SNX6: variants seen among roughly 807,000 people sequenced by gnomAD.
The protein encoded by SNX6 is sorting nexin 6.
A neutral mutation model predicts 63.0 loss-of-function variants in SNX6; 34 were observed. The ratio of observed to expected loss-of-function variants is 0.54; its 90% confidence interval spans 0.41 to 0.72. The LOEUF (loss-of-function observed/expected upper bound fraction) is 0.72. Among genes scored for constraint, SNX6 ranks in the 30% least tolerant of loss-of-function variants. SNX6 has a pLI of 0.00. For synonymous variants in SNX6, 170 were observed against 164.2 expected (o/e 1.04, Z -0.27); for missense variants, 398 against 471.4 (o/e 0.84, Z 1.44).
At position 34,586,296 on chromosome 14, in the gene SNX6, T is replaced by A; in HGVS notation, c.728A>T (p.Asp243Val). The A allele has an allele frequency of 6.2e-7, 1 of 1,606,260 alleles. No homozygotes were observed. Residue 243 changes from aspartate (D) to valine (V), a missense_variant, in exon 9 of 14, where the codon GAT (aspartate) becomes GTT (valine). Coordinates refer to ENST00000362031, the MANE Select transcript of SNX6 (RefSeq NM_152233.4). ...TGAAGAACCAATTCTATTGTAATCATCTGCAGCACCTATGGAGAAAGTTTT... is the reference window on the plus strand; with the variant it reads ...TGAAGAACCAATTCTATTGTAATCAACTGCAGCACCTATGGAGAAAGTTTT... ...RMTRSHKSAA[D>V]DYNRIGSSLY...
intron 11 of SNX6, among the ~76,000 whole-genome samples, chr14:34,575,100 C>T (rs1380631113): frequency 6.6e-6 from 1 of 151,224 alleles, no homozygotes; most frequent in African/African-American, 2.4e-5. Flanking sequence ...CCATGTTGGC[C>T]AGGGTGGTCT....
At chr14:34,572,666 T>C (rs1347212484) in intron 11 of SNX6, among the ~76,000 whole-genome samples, 1 of 151,680 alleles carries the variant, frequency 6.6e-6, no homozygotes, top group African/African-American at 2.4e-5. Flanking sequence ...TTTTCAGTTA[T>C]TTGTGTTTTT....
rs916814693 is a variant in SNX6, at chr14:34,630,117, G to C, written c.-1C>G. 8 of 1,378,884 alleles carry C rather than the reference G, an allele frequency of 5.8e-6. No individual in the cohort carries two copies. The South Asian group carries it at 8.3e-5, about 14-fold the overall frequency. The allele number at this position is 1,378,884 out of a possible 1,614,324, so 85.4% of individuals were successfully genotyped here. A position where few individuals can be genotyped will look rare whatever the true frequency, so the allele number is the denominator to read the frequency against. On this transcript the variant is annotated 5_prime_UTR_variant, in exon 1 of 14. Transcript: ENST00000362031. ...CGCCGCGGAGAACACCCACCATCAT[G>C]GCTGCTCCGAGGCGAGGGCCGGCGC...
At position 34,563,231 on chromosome 14, in the gene SNX6, T is replaced by C; in HGVS notation, c.1168-56A>G. ...TTTTATTTCAAACAATTCAGAAGAC[T>C]CCTACTGAAAATACAGTTAGAAACG... is the stretch of plus-strand genomic sequence containing the variant. On this transcript the variant is annotated intron_variant, in intron 13 of 13. Coordinates refer to ENST00000362031, the MANE Select transcript of SNX6 (RefSeq NM_152233.4). 2.0e-6 allele frequency: 3 copies of C among 1,476,790 alleles called. No homozygotes were observed. The South Asian group carries it at 3.5e-5, about 17-fold the overall frequency. The allele number at this position is 1,476,790 out of a possible 1,614,324, so 91.5% of individuals were successfully genotyped here. A position where few individuals can be genotyped will look rare whatever the true frequency, so the allele number is the denominator to read the frequency against.
chr14:34,585,955 A>G (rs1032053240), intron 9 of SNX6, among the ~76,000 whole-genome samples: 1 of 151,412 alleles, frequency 6.6e-6, no homozygotes, highest in Non-Finnish European at 1.5e-5. Context: ...CCCAGGCTGG[A>G]GTGCAAAGGT....
chr14:34,571,056 T>C (rs1881430568), intron 11 of SNX6, among the ~76,000 whole-genome samples: 1 of 151,834 alleles, frequency 6.6e-6, no homozygotes, highest in African/African-American at 2.4e-5. Flanking sequence ...GTTCTTCATA[T>C]ATTCTGAGAA....
intron 2 of SNX6, among the ~76,000 whole-genome samples, chr14:34,620,231 A>G (rs1189906292): frequency 1.3e-5 from 2 of 152,092 alleles, no homozygotes; most frequent in Admixed American, 6.5e-5. Context: ...CCCACCCTCA[A>G]CAAGTGAACT....
intron 9 of SNX6, among the ~76,000 whole-genome samples, chr14:34,584,479 G>T (rs988218091): frequency 2.6e-5 from 4 of 151,088 alleles, no homozygotes; most frequent in African/African-American, 9.7e-5. Flanking sequence ...TGTGTTTTTA[G>T]AGAACACGCC....
At chr14:34,585,567 T>C (rs931419108) in intron 9 of SNX6, among the ~76,000 whole-genome samples, 1 of 152,120 alleles carries the variant, frequency 6.6e-6, no homozygotes, top group Non-Finnish European at 1.5e-5. Flanking sequence ...GCATCCAGGC[T>C]GCCAATAGAA....
At chr14:34,601,464 T>C (rs1452910857) in intron 6 of SNX6, among the ~76,000 whole-genome samples, 1 of 151,828 alleles carries the variant, frequency 6.6e-6, no homozygotes, top group African/African-American at 2.4e-5. Context: ...GACCTCGTGA[T>C]CCGCCCACCT....
At chr14:34,611,795 T>C (rs1883240459) in intron 2 of SNX6, among the ~76,000 whole-genome samples, 1 of 151,896 alleles carries the variant, frequency 6.6e-6, no homozygotes, top group South Asian at 2.1e-4. Context: ...TTTTCTTTTT[T>C]GGAGACTGAG....
intron 2 of SNX6, among the ~76,000 whole-genome samples, chr14:34,611,748 C>CAA (rs1171892665): frequency 0.054 from 5,769 of 106,958 alleles, 205 homozygotes; most frequent in Admixed American, 0.076. Flanking sequence ...GACACTGTCT[C>CAA]AAAAAAAAAA....
intron 2 of SNX6, among the ~76,000 whole-genome samples, chr14:34,623,267 T>A (rs1883695912): frequency 6.6e-6 from 1 of 150,966 alleles, no homozygotes; most frequent in Non-Finnish European, 1.5e-5. Flanking sequence ...AAAGAAAAGG[T>A]GAGGGGGAAA....
At chr14:34,619,993 G>T (rs555753719) in intron 2 of SNX6, among the ~76,000 whole-genome samples, 66 of 152,230 alleles carry the variant, frequency 4.3e-4, no homozygotes, top group Non-Finnish European at 8.5e-4. Context: ...TTACAGGCAT[G>T]AGCCACCTGA....
chr14:34,577,961 C>T (rs533961429), intron 10 of SNX6, among the ~76,000 whole-genome samples: 3 of 152,154 alleles, frequency 2.0e-5, no homozygotes, highest in South Asian at 2.1e-4. Context: ...CCCAGCACTA[C>T]GGGAGGACAA....
intron 8 of SNX6, among the ~76,000 whole-genome samples, chr14:34,592,332 T>G (rs938418223): frequency 1.3e-5 from 2 of 151,692 alleles, no homozygotes; most frequent in Admixed American, 1.3e-4. Context: ...GTTGTTGCAG[T>G]GAGCTGAGAT....
intron 11 of SNX6, among the ~76,000 whole-genome samples, chr14:34,572,805 C>T (rs10148580): frequency 0.024 from 3,672 of 152,016 alleles, 162 homozygotes; most frequent in African/African-American, 0.085. Flanking sequence ...CTCAGCCTCC[C>T]GACTAGCTGG....
intron 2 of SNX6, among the ~76,000 whole-genome samples, chr14:34,625,450 C>T (rs1013423926): frequency 1.3e-5 from 2 of 151,796 alleles, no homozygotes; most frequent in African/African-American, 4.8e-5. Flanking sequence ...AAGCAGTTAT[C>T]GGCCGGGCGC....
chr14:34,606,850 C>G (rs532643409), intron 4 of SNX6, among the ~76,000 whole-genome samples: 16 of 152,298 alleles, frequency 1.1e-4, no homozygotes, highest in Admixed American at 4.6e-4. Flanking sequence ...GGGACCTTGA[C>G]TCACTGCAAC....
Sources: allele counts gnomAD v4.1 joint callset (sites outside exome capture counted in the v4.1 genomes callset), GRCh38; gene constraint gnomAD v4.1.1; transcripts MANE v1.5; gene names NCBI Gene and HGNC (gene_info 2026-07-23, HGNC 2026-07-21).